The following RHBDF2 variants were observed in gnomAD, a reference collection of about 807,000 sequenced individuals.
RHBDF2 encodes the protein rhomboid 5 homolog 2.
A neutral mutation model predicts 95.2 loss-of-function variants in RHBDF2; 38 were observed. That is an observed-to-expected ratio of 0.40 (90% CI 0.31 to 0.52). The LOEUF (loss-of-function observed/expected upper bound fraction) is 0.52, where lower values mean the gene tolerates loss of function less well. RHBDF2 is among the 20% of genes least tolerant of loss of function. The pLI is 0.56. For missense variants in RHBDF2, 863 were observed against 1,137.7 expected (o/e 0.76, Z 3.47); for synonymous variants, 442 against 462.0 (o/e 0.96, Z 0.55).
chr17:76,471,810 C>G lies in RHBDF2; in HGVS notation c.2307G>C (p.Lys769Asn), dbSNP rs1034293044. ...CCAGGATGAGTGCCCGCTTGCGGTA[C>G]TTGTCGCTGGTGCCGAAGGTGATGT... Reference protein sequence around the residue: ...LPYITFGTSDKYRKRALILVS... With the variant: ...LPYITFGTSDNYRKRALILVS... The change falls in exon 19 of 19, where the codon AAG becomes AAC. Residue 769 changes from lysine (K) to asparagine (N), a missense_variant. By Grantham distance (94) the Lys-to-Asn change is moderately conservative. Around this residue, in one of 2 missense-constraint regions of RHBDF2, gnomAD observed 252 missense variants for 412.2 expected, o/e 0.61. Transcript: ENST00000675367. 4 of 1,603,184 alleles carry G rather than the reference C, an allele frequency of 2.5e-6. No individual in the cohort carries two copies. Among genetic ancestry groups the G allele is most frequent in the Non-Finnish European group, 3.4e-6 (4 of 1,174,972 alleles).
chr17:76,492,900 T>A (rs192002249), intron 1 of RHBDF2, among the ~76,000 whole-genome samples: 2 of 152,092 alleles, frequency 1.3e-5, no homozygotes, highest in East Asian at 3.9e-4. Context: ...AGCAGCCCCC[T>A]CCCCTCCAGA....
rs747634124 is a variant in RHBDF2 at position 76,478,269 on chromosome 17, C to T, written c.673-484G>A. Reference sequence around the variant, plus strand: ...CTGCCCCCTCAAAGCACTGTACTTCCTCTGGGCTCCTGGCCCTTGCATAGG... The same window carrying T: ...CTGCCCCCTCAAAGCACTGTACTTCTTCTGGGCTCCTGGCCCTTGCATAGG... On this transcript the variant is annotated intron_variant, in intron 6 of 18. Coordinates refer to ENST00000675367, the MANE Select transcript of RHBDF2 (RefSeq NM_001005498.4). 9.5e-4 allele frequency among the ~76,000 whole-genome samples: 145 copies of T among 152,342 alleles called. No individual in the cohort carries two copies. In the Middle Eastern group the frequency reaches 0.017, roughly 18 times the overall value.
intron 2 of RHBDF2, among the ~76,000 whole-genome samples, chr17:76,485,192 G>A (rs1199982765): frequency 6.6e-6 from 1 of 152,118 alleles, no homozygotes; most frequent in African/African-American, 2.4e-5. Flanking sequence ...CGGATCACCT[G>A]AGGTCGGGAG....
At chr17:76,485,403 C>T (rs2074096407) in intron 2 of RHBDF2, among the ~76,000 whole-genome samples, 1 of 124,806 alleles carries the variant, frequency 8.0e-6, no homozygotes, top group Non-Finnish European at 1.6e-5. Context: ...AACAGCAAAA[C>T]TCTGTCTCAA....
rs750558755 is a variant in RHBDF2, at chr17:76,474,091, C to T, written c.1516G>A (p.Asp506Asn). Reference protein sequence around the residue: ...KWQDDTGPPMDKSDLGQKRTS... With the variant: ...KWQDDTGPPMNKSDLGQKRTS... ...CGCTTCTGGCCCAGATCAGACTTGT[C>T]CATGGGGGGCCCAGTGTCATCCTGC... Residue 506 changes from aspartate to asparagine, a missense_variant, in exon 13 of 19, where the codon GAC (aspartate) becomes AAC (asparagine). Around this residue, in one of 2 missense-constraint regions of RHBDF2, gnomAD observed 611 missense variants for 725.5 expected, o/e 0.84. Transcript: ENST00000675367. The T allele has an allele frequency of 6.2e-7, 1 of 1,608,854 alleles. No individual in the cohort carries two copies. Among genetic ancestry groups the T allele is most frequent in the South Asian group, 1.1e-5 (1 of 90,674 alleles).
At chr17:76,472,293 G>T (rs1487170342) in intron 18 of RHBDF2, 2 of 598,352 alleles carry the variant, frequency 3.3e-6, no homozygotes, top group Non-Finnish European at 5.9e-6. Flanking sequence ...CAATAAGCAA[G>T]ACAGACAAGC....
intron 3 of RHBDF2, among the ~76,000 whole-genome samples, chr17:76,480,339 G>A (rs547449688): frequency 1.5e-4 from 22 of 150,948 alleles, no homozygotes; most frequent in Admixed American, 1.1e-3. Context: ...TGGCCGCCTC[G>A]GCCTCCCAAA....
At chr17:76,491,166 T>C (rs1050507185) in intron 1 of RHBDF2, among the ~76,000 whole-genome samples, 5 of 152,038 alleles carry the variant, frequency 3.3e-5, no homozygotes, top group African/African-American at 1.2e-4. Flanking sequence ...CGCTGCATGC[T>C]GTGCCAGAAC....
Position 76,474,463 on chromosome 17 carries a change from C to A in RHBDF2, c.1374G>T (p.Val458=). The A allele has an allele frequency of 6.2e-7, 1 of 1,614,164 alleles. No individual in the cohort carries two copies. The highest frequency in any genetic ancestry group is 8.5e-7 in the Non-Finnish European group (1 of 1,180,016). ...CCCGCTCCAGGTCTCGCTCGCGCAG[C>A]ACCAGCTGCTCGATCTGCCCGTCCT... ...IRKDGQIEQL[V]LRERDLERDS... is the part of the protein sequence containing the mutation. The change falls in exon 12 of 19, where the codon GTG becomes GTT. Residue 458 remains valine, a synonymous_variant. Coordinates refer to ENST00000675367, the MANE Select transcript of RHBDF2 (RefSeq NM_001005498.4).
In RHBDF2 at chr17:76,490,568, G is replaced by A. The variant is rs545124759; in HGVS notation, c.-219-2659C>T. On this transcript the variant is annotated intron_variant, in intron 1 of 18. Transcript: ENST00000675367. ...CCCTGGGGAACTGGCACTGGGGGAT[G>A]GGAGGCAAGCAGTGGAAGCAGCTGG... 9.9e-5 allele frequency among the ~76,000 whole-genome samples: 15 copies of A among 152,258 alleles called. No individual in the cohort carries two copies. The South Asian group carries it at 1.2e-3, about 13-fold the overall frequency.
At position 76,479,263 on chromosome 17, in the gene RHBDF2, C is replaced by A. The variant is rs1283292406; in HGVS notation, c.287G>T (p.Trp96Leu). 4 of 1,601,604 alleles carry A rather than the reference C, an allele frequency of 2.5e-6. No individual in the cohort carries two copies. The highest frequency in any genetic ancestry group is 1.3e-5 in the African/African-American group (1 of 74,850). The change falls in exon 5 of 19, where the codon TGG becomes TTG. Residue 96 changes from tryptophan to leucine, a missense_variant. Trp to Leu is a moderately conservative substitution (Grantham distance 61). Around this residue, in one of 2 missense-constraint regions of RHBDF2, gnomAD observed 611 missense variants for 725.5 expected, o/e 0.84. Transcript: ENST00000675367. ...CTCCCAGTCGCCGCTGACTCCAAAC[C>A]ACTGGGCTGCGCCCCTGCGGAAGCA... The part of the protein sequence containing the change: ...SQSIRKGAAQ[W>L]FGVSGDWEGQ...
At chr17:76,493,539 A>G (rs1206377571) in intron 1 of RHBDF2, among the ~76,000 whole-genome samples, 1 of 152,142 alleles carries the variant, frequency 6.6e-6, no homozygotes, top group Non-Finnish European at 1.5e-5. Flanking sequence ...ATGAGAGGCA[A>G]AACAGAAGGG....
chr17:76,495,055 T>C (rs1244540259), intron 1 of RHBDF2, among the ~76,000 whole-genome samples: 6 of 151,968 alleles, frequency 3.9e-5, no homozygotes, highest in Non-Finnish European at 7.4e-5. Flanking sequence ...GGGTGGGGTG[T>C]GCACCACACA....
chr17:76,483,451 A>G (rs2144247772), intron 2 of RHBDF2, among the ~76,000 whole-genome samples: 1 of 151,614 alleles, frequency 6.6e-6, no homozygotes, highest in South Asian at 2.1e-4. Context: ...ACGCCCAGCT[A>G]ATTTTGTATT....
intron 15 of RHBDF2, 30 bp from the exon 16 acceptor site, chr17:76,473,357 T>A: frequency 6.3e-7 from 1 of 1,585,854 alleles, no homozygotes; most frequent in Non-Finnish European, 8.6e-7. Flanking sequence ...AGAGGGGACA[T>A]CAGGGCGCCG....
chr17:76,489,868 G>C (rs1484947250), intron 1 of RHBDF2, among the ~76,000 whole-genome samples: 1 of 152,242 alleles, frequency 6.6e-6, no homozygotes, highest in Non-Finnish European at 1.5e-5. Context: ...GCCAGGAAAG[G>C]GTGTAGCTAG....
At chr17:76,487,250 A>T (rs2074163132) in intron 2 of RHBDF2, among the ~76,000 whole-genome samples, 1 of 90,966 alleles carries the variant, frequency 1.1e-5, no homozygotes, top group African/African-American at 4.4e-5. Context: ...CATGCCTGGC[A>T]AATTTTTTTT....
At chr17:76,483,433 G>C (rs2074029535) in intron 2 of RHBDF2, among the ~76,000 whole-genome samples, 1 of 152,014 alleles carries the variant, frequency 6.6e-6, no homozygotes, top group Non-Finnish European at 1.5e-5. Flanking sequence ...TTACGGGCAT[G>C]CGCCACCACG....
At chr17:76,481,639 A>G in intron 2 of RHBDF2, 94 bp from the exon 3 acceptor site, 2 of 1,206,584 alleles carry the variant, frequency 1.7e-6, no homozygotes, top group Admixed American at 2.6e-5. Context: ...ACCAAGAACC[A>G]ACTTGCCTAA....
Sources: gnomAD v4.1 joint callset for allele counts (sites outside exome capture counted in the v4.1 genomes callset) on GRCh38, gnomAD v4.1.1 for gene constraint, gnomAD v4.1.1 regional missense constraint, MANE v1.5 for transcripts, NCBI Gene and HGNC (gene_info 2026-07-23, HGNC 2026-07-21) for gene names.